Variants in SV2C observed in about 807,000 individuals in gnomAD.
The protein encoded by SV2C is solute carrier family 22 member B3.
A neutral mutation model predicts 79.7 loss-of-function variants in SV2C; 49 were observed. That is an observed-to-expected ratio of 0.61 (90% CI 0.49 to 0.78). The LOEUF (loss-of-function observed/expected upper bound fraction) is 0.78, where lower values mean the gene tolerates loss of function less well. Among genes scored for constraint, SV2C ranks in the 30% least tolerant of loss-of-function variants. The probability of loss-of-function intolerance (pLI) is 0.00; values close to 1 mark genes in which losing one functional copy is unlikely to be tolerated. For synonymous variants in SV2C, 334 were observed against 333.2 expected, an observed-to-expected ratio of 1.00 and a Z score of -0.03; for missense variants, 833 against 912.9, an observed-to-expected ratio of 0.91 and a Z score of 1.13.
chr5:76,142,455 T>C (rs1489211904), intron 2 of SV2C, among the ~76,000 whole-genome samples: 1 of 152,228 alleles, frequency 6.6e-6, no homozygotes. Flanking sequence ...AGTTCATCTT[T>C]GCTAACTTCA....
chr5:76,145,767 C>T (rs1211410746), intron 2 of SV2C, among the ~76,000 whole-genome samples: 4 of 152,172 alleles, frequency 2.6e-5, no homozygotes, highest in Non-Finnish European at 5.9e-5. Context: ...ACCCAAGTGG[C>T]CCCTCCTCTC....
At chr5:76,222,053 G>T (rs1745080895) in intron 4 of SV2C, among the ~76,000 whole-genome samples, 1 of 152,168 alleles carries the variant, frequency 6.6e-6, no homozygotes, top group Non-Finnish European at 1.5e-5. Flanking sequence ...CAGAGAAACA[G>T]CATCTCTCAT....
At chr5:76,340,736 C>T (rs1749425520) in intron 12 of SV2C, among the ~76,000 whole-genome samples, 1 of 152,162 alleles carries the variant, frequency 6.6e-6, no homozygotes, top group Admixed American at 6.5e-5. Context: ...AAACAAACTA[C>T]TAAGATTGCA....
At chr5:75,996,188 C>T in the SV2C span, among the ~76,000 whole-genome samples, 1 of 152,200 alleles carries the variant, frequency 6.6e-6, no homozygotes, top group African/African-American at 2.4e-5. Flanking sequence ...GATCCAGTTT[C>T]AGCTTTCTAC....
At chr5:75,972,643 G>A in the SV2C span, among the ~76,000 whole-genome samples, 354 of 152,160 alleles carry the variant, frequency 2.3e-3, 2 homozygotes, top group African/African-American at 8.2e-3. Context: ...TCTCACACAA[G>A]TTAGAATGGC....
intron 1 of SV2C, among the ~76,000 whole-genome samples, chr5:76,107,171 T>C (rs545826884): frequency 1.1e-3 from 164 of 152,318 alleles, no homozygotes; most frequent in African/African-American, 3.9e-3. Context: ...AGAAAATCAG[T>C]AAGCAATCCA....
intron 1 of SV2C, among the ~76,000 whole-genome samples, chr5:76,107,868 C>G (rs1747973084): frequency 6.6e-6 from 1 of 152,024 alleles, no homozygotes; most frequent in Admixed American, 6.6e-5. Context: ...AAAACAAAAG[C>G]AAGTTTATTA....
the SV2C span, among the ~76,000 whole-genome samples, chr5:75,922,573 T>C: frequency 1.3e-5 from 2 of 152,250 alleles, no homozygotes; most frequent in Admixed American, 6.5e-5. Flanking sequence ...GACTGCACTT[T>C]GTGTTAATCA....
intron 3 of SV2C, among the ~76,000 whole-genome samples, chr5:76,202,652 T>C (rs1044422538): frequency 1.7e-4 from 26 of 152,212 alleles, no homozygotes; most frequent in African/African-American, 6.3e-4. Context: ...CAGTCAAGAT[T>C]ATCTTTAATC....
chr5:75,991,412 GT>G, the SV2C span, among the ~76,000 whole-genome samples: 1 of 151,058 alleles, frequency 6.6e-6, no homozygotes, highest in Non-Finnish European at 1.5e-5. Flanking sequence ...TTATGGTAGA[GT>G]TTTTTAATAT....
At position 76,330,592 on chromosome 5, in the gene SV2C, A is replaced by T. The variant is rs1489973074; in HGVS notation, c.*5045A>T. ...CATAAATACAAAGTGTTATTTTTCCACATTTAAAACAAATAATAGCCTTCA... is the reference window on the plus strand; with the variant it reads ...CATAAATACAAAGTGTTATTTTTCCTCATTTAAAACAAATAATAGCCTTCA... On this transcript the variant is annotated 3_prime_UTR_variant, in exon 13 of 13. Transcript: ENST00000502798. The T allele has an allele frequency of 7.1e-6, 1 of 140,006 alleles. No homozygotes were observed. The highest frequency in any genetic ancestry group is 2.7e-5 in the African/African-American group (1 of 36,666). 8.7% of individuals were successfully genotyped at this position (140,006 alleles called of 1,614,324 possible).
the SV2C span, among the ~76,000 whole-genome samples, chr5:76,059,441 A>T: frequency 6.6e-6 from 1 of 152,010 alleles, no homozygotes; most frequent in South Asian, 2.1e-4. Context: ...CATTTCAGCA[A>T]TGTTCACAGC....
At chr5:75,928,106 G>A in the SV2C span, among the ~76,000 whole-genome samples, 1 of 152,124 alleles carries the variant, frequency 6.6e-6, no homozygotes, top group East Asian at 1.9e-4. Flanking sequence ...TATAACATAA[G>A]ATTTGCCATT....
chr5:75,909,032 A>AGT, the SV2C span, among the ~76,000 whole-genome samples: 1 of 152,230 alleles, frequency 6.6e-6, no homozygotes, highest in Non-Finnish European at 1.5e-5. Context: ...GCTGAGAGGT[A>AGT]AGAAGTTGAA....
intron 4 of SV2C, among the ~76,000 whole-genome samples, chr5:76,280,797 G>A (rs915845678): frequency 1.2e-4 from 19 of 152,246 alleles, no homozygotes; most frequent in Non-Finnish European, 2.2e-4. Context: ...CCAAGCCTAG[G>A]TCTAAGCACA....
chr5:76,191,839 G>A (rs1744113370), intron 2 of SV2C, among the ~76,000 whole-genome samples: 1 of 152,218 alleles, frequency 6.6e-6, no homozygotes, highest in Non-Finnish European at 1.5e-5. Flanking sequence ...TCAACCTCCT[G>A]AAATCCCAGC....
At chr5:76,236,771 C>T (rs1011558766) in intron 4 of SV2C, among the ~76,000 whole-genome samples, 2 of 152,152 alleles carry the variant, frequency 1.3e-5, no homozygotes, top group African/African-American at 4.8e-5. Flanking sequence ...CACTGGGGGT[C>T]AAATTTCAAC....
chr5:76,296,894 T>A (rs1229630413), intron 9 of SV2C, among the ~76,000 whole-genome samples: 1 of 152,182 alleles, frequency 6.6e-6, no homozygotes, highest in Non-Finnish European at 1.5e-5. Context: ...CCACATAAAA[T>A]ACTGACTTGA....
At chr5:76,311,267 C>T (rs1580060148) in intron 12 of SV2C, 1 of 152,362 alleles carries the variant, frequency 6.6e-6, no homozygotes. Context: ...AGGCCAGCTT[C>T]CCAGTGCTGT....
Sources: allele counts gnomAD v4.1 joint callset (sites outside exome capture counted in the v4.1 genomes callset), GRCh38; gene constraint gnomAD v4.1.1; transcripts MANE v1.5; gene names NCBI Gene and HGNC (gene_info 2026-07-23, HGNC 2026-07-21).